The following MSI2 variants were observed in gnomAD, a reference collection of about 807,000 sequenced individuals.
MSI2 encodes RNA-binding protein Musashi homolog 2.
Under a neutral mutation model 45.6 loss-of-function variants are expected in MSI2, and 17 were observed. That is an observed-to-expected ratio of 0.37 (90% CI 0.26 to 0.56). The LOEUF (loss-of-function observed/expected upper bound fraction) is 0.56, where lower values mean the gene tolerates loss of function less well. MSI2 is among the 20% of genes least tolerant of loss of function. The probability of loss-of-function intolerance (pLI) is 0.77; values close to 1 mark genes in which losing one functional copy is unlikely to be tolerated. For missense variants in MSI2, 293 were observed against 444.2 expected (o/e 0.66, Z 3.06); for synonymous variants, 156 against 158.2 (o/e 0.99, Z 0.11).
At chr17:57,338,937 T>G (rs1914903199) in intron 5 of MSI2, among the ~76,000 whole-genome samples, 1 of 152,202 alleles carries the variant, frequency 6.6e-6, no homozygotes, top group Non-Finnish European at 1.5e-5. Context: ...CTGGCCTCTC[T>G]GAAGAGGCTT....
chr17:57,416,357 A>C (rs769390214), intron 6 of MSI2, among the ~76,000 whole-genome samples: 1 of 152,210 alleles, frequency 6.6e-6, no homozygotes, highest in African/African-American at 2.4e-5. Flanking sequence ...CTTAAAACAC[A>C]CCTATGGGGA....
intron 10 of MSI2, among the ~76,000 whole-genome samples, chr17:57,646,797 C>T (rs1567957476): frequency 6.6e-6 from 1 of 152,242 alleles, no homozygotes; most frequent in East Asian, 1.9e-4. Context: ...GGAATTCCAC[C>T]ATTAGTGCTT....
At chr17:57,417,385 G>A (rs1197557808) in intron 6 of MSI2, among the ~76,000 whole-genome samples, 3 of 152,250 alleles carry the variant, frequency 2.0e-5, no homozygotes, top group Admixed American at 6.5e-5. Flanking sequence ...ACCTGAAATC[G>A]TGAGTTTGAC....
intron 7 of MSI2, among the ~76,000 whole-genome samples, chr17:57,537,260 G>A (rs1190829743): frequency 2.0e-5 from 3 of 152,106 alleles, no homozygotes; most frequent in African/African-American, 7.2e-5. Flanking sequence ...GTGTGAGGGG[G>A]TGGGCATGCT....
chr17:57,569,531 CAG>C (rs1435767768), intron 7 of MSI2, among the ~76,000 whole-genome samples: 11 of 152,226 alleles, frequency 7.2e-5, no homozygotes, highest in African/African-American at 2.7e-4. Context: ...GGCTCCAAAA[CAG>C]GGCACCTTGC....
chr17:57,486,363 C>G (rs2085755071), intron 6 of MSI2, among the ~76,000 whole-genome samples: 2 of 152,160 alleles, frequency 1.3e-5, no homozygotes, highest in African/African-American at 4.8e-5. Flanking sequence ...AGCTGAGTCT[C>G]CTTTCTATAG....
At chr17:57,368,127 T>C (rs2083367361) in intron 5 of MSI2, among the ~76,000 whole-genome samples, 1 of 152,210 alleles carries the variant, frequency 6.6e-6, no homozygotes, top group Non-Finnish European at 1.5e-5. Context: ...AATAATAATT[T>C]TAAGACTTTG....
At chr17:57,287,004 G>A (rs79890799) in intron 5 of MSI2, among the ~76,000 whole-genome samples, 1,981 of 152,052 alleles carry the variant, frequency 0.013, 39 homozygotes, top group African/African-American at 0.045. Flanking sequence ...CAACTGGCTC[G>A]CGCCGCAGAG....
chr17:57,605,362 C>T (rs1906437429), intron 8 of MSI2, among the ~76,000 whole-genome samples: 1 of 152,214 alleles, frequency 6.6e-6, no homozygotes, highest in Non-Finnish European at 1.5e-5. Context: ...GGAGTGGCCT[C>T]CCAGTTGCCT....
chr17:57,526,292 T>C (rs2086693911), intron 6 of MSI2, among the ~76,000 whole-genome samples: 2 of 151,980 alleles, frequency 1.3e-5, no homozygotes, highest in African/African-American at 4.8e-5. Flanking sequence ...TCTCCTAGCA[T>C]CTTGAATGAG....
intron 7 of MSI2, among the ~76,000 whole-genome samples, chr17:57,576,580 AC>A (rs2088052468): frequency 6.6e-6 from 1 of 151,964 alleles, no homozygotes; most frequent in Non-Finnish European, 1.5e-5. Flanking sequence ...ATATGGTAAA[AC>A]CCTGTCTCTA....
intron 10 of MSI2, among the ~76,000 whole-genome samples, chr17:57,649,864 G>T (rs1161796198): frequency 1.3e-5 from 2 of 152,200 alleles, no homozygotes; most frequent in African/African-American, 2.4e-5. Context: ...CCAGGTTTTG[G>T]CAAGGCCCTG....
intron 6 of MSI2, among the ~76,000 whole-genome samples, chr17:57,403,935 A>ATGTG: frequency 1.8e-5 from 1 of 54,814 alleles, no homozygotes; most frequent in South Asian, 7.0e-4. Context: ...ATGAATGTGC[A>ATGTG]CACACACACA....
At position 57,485,531 on chromosome 17, in the gene MSI2, T is replaced by G. The variant is rs543903468; in HGVS notation, c.406-44145T>G. On this transcript the variant is annotated intron_variant, in intron 6 of 13. Coordinates refer to ENST00000284073, the MANE Select transcript of MSI2 (RefSeq NM_138962.4). ...GAATACTGATCTCCCTAATGCATCTTCCTTGCGAAACATGGAGCTGCTCAG... is the reference window on the plus strand; with the variant it reads ...GAATACTGATCTCCCTAATGCATCTGCCTTGCGAAACATGGAGCTGCTCAG... Among the ~76,000 whole-genome samples the G allele has an allele frequency of 1.2e-4, 19 of 152,320 alleles. No individual in the cohort carries two copies. The South Asian group carries it at 2.7e-3, about 22-fold the overall frequency.
At chr17:57,573,760 C>A (rs978781444) in intron 7 of MSI2, among the ~76,000 whole-genome samples, 4 of 152,246 alleles carry the variant, frequency 2.6e-5, no homozygotes, top group African/African-American at 9.6e-5. Context: ...TAGGGACAGA[C>A]AGACCTGGGC....
intron 6 of MSI2, among the ~76,000 whole-genome samples, chr17:57,440,980 C>T (rs2084789718): frequency 6.6e-6 from 1 of 152,204 alleles, no homozygotes; most frequent in Admixed American, 6.5e-5. Flanking sequence ...AGCTGTAGCT[C>T]TGGCCAGCTT....
intron 5 of MSI2, among the ~76,000 whole-genome samples, chr17:57,373,589 T>G (rs2083451512): frequency 6.6e-6 from 1 of 152,160 alleles, no homozygotes; most frequent in Non-Finnish European, 1.5e-5. Context: ...AGGTTGTGCT[T>G]TTGGGAACAG....
At chr17:57,586,347 G>GTCTC (rs138594708) in intron 7 of MSI2, among the ~76,000 whole-genome samples, 4 of 150,066 alleles carry the variant, frequency 2.7e-5, no homozygotes, top group African/African-American at 4.9e-5. Context: ...ATGGTTAGAG[G>GTCTC]TCTCTCTCTC....
chr17:57,460,271 C>T (rs765212200), intron 6 of MSI2, among the ~76,000 whole-genome samples: 43 of 152,162 alleles, frequency 2.8e-4, no homozygotes, highest in Non-Finnish European at 2.2e-4. Context: ...CTGCAGTGAG[C>T]TGTGGTTGCA....
Sources: gnomAD v4.1 joint callset for allele counts (sites outside exome capture counted in the v4.1 genomes callset) on GRCh38, gnomAD v4.1.1 for gene constraint, MANE v1.5 for transcripts, NCBI Gene and HGNC (gene_info 2026-07-23, HGNC 2026-07-21) for gene names.